The following BCL11B variants were observed in gnomAD, a reference collection of about 807,000 sequenced individuals.
BCL11B encodes the protein B-cell lymphoma/leukemia 11B.
Under a neutral mutation model 49.9 loss-of-function variants are expected in BCL11B, and 8 were observed. The ratio of observed to expected loss-of-function variants is 0.16; its 90% CI spans 0.09 to 0.29. The LOEUF (loss-of-function observed/expected upper bound fraction) is 0.29, where lower values mean the gene tolerates loss of function less well. Ranked by LOEUF, BCL11B falls within the 10% of genes least tolerant of loss-of-function variation. BCL11B has a pLI of 1.00. For missense variants in BCL11B, 1,006 were observed against 1,351.0 expected (o/e 0.74, Z 4.00); for synonymous variants, 739 against 637.4 (o/e 1.16, Z -2.40).
intron 1 of BCL11B, among the ~76,000 whole-genome samples, chr14:99,267,630 G>A (rs1192607971): frequency 1.3e-5 from 2 of 151,696 alleles, no homozygotes; most frequent in Non-Finnish European, 2.9e-5. Context: ...AAAGACATGT[G>A]GACCACTGGA....
At position 99,248,599 on chromosome 14, in the gene BCL11B, A is replaced by G. The variant is rs1312307319; in HGVS notation, c.427+8872T>C. On this transcript the variant is annotated intron_variant, in intron 2 of 3. Coordinates refer to ENST00000357195, the MANE Select transcript of BCL11B (RefSeq NM_138576.4). This position sits in a 1 kb window ranked among gnomAD's most constrained non-coding sequence, Gnocchi z 4.7. Reference sequence around the variant, plus strand: ...TGTTTACCTCACGGTGAGTGGACCAAATTCTCCCATAAGGATCTTCACAGC... The same window carrying G: ...TGTTTACCTCACGGTGAGTGGACCAGATTCTCCCATAAGGATCTTCACAGC... Among the ~76,000 whole-genome samples the G allele has an allele frequency of 6.6e-6, 1 of 152,196 alleles. No homozygotes were observed. Among genetic ancestry groups the G allele is most frequent in the Non-Finnish European group, 1.5e-5 (1 of 68,018 alleles).
intron 3 of BCL11B, among the ~76,000 whole-genome samples, chr14:99,215,363 A>G (rs1483308254): frequency 6.6e-6 from 1 of 152,228 alleles, no homozygotes; most frequent in African/African-American, 2.4e-5. Context: ...ACCGCAGTCT[A>G]TTGTGGCCGC....
intron 3 of BCL11B, among the ~76,000 whole-genome samples, chr14:99,187,689 G>A (rs1232638052): frequency 5.3e-5 from 8 of 150,962 alleles, no homozygotes; most frequent in Non-Finnish European, 8.8e-5. Context: ...CCAGGAGTCG[G>A]CTGCAGGTGT....
At chr14:99,212,085 T>C (rs1887704382) in intron 3 of BCL11B, among the ~76,000 whole-genome samples, 1 of 152,078 alleles carries the variant, frequency 6.6e-6, no homozygotes, top group East Asian at 1.9e-4. Context: ...ATTCTCATCA[T>C]CCCTACACTT....
rs997765366 is a variant in BCL11B, at chr14:99,231,769, C to A, written c.428-212G>T. On this transcript the variant is annotated intron_variant, in intron 2 of 3. Coordinates refer to ENST00000357195, the MANE Select transcript of BCL11B (RefSeq NM_138576.4). The surrounding 1 kb of genome is among the most constrained non-coding windows in gnomAD (Gnocchi z 8.1). Reference sequence around the variant, plus strand: ...TGGGCAGGGGGCACTGGGGAGGGCCCGGTTTCCACAGCTGCCAGGCTGGGC... The same window carrying A: ...TGGGCAGGGGGCACTGGGGAGGGCCAGGTTTCCACAGCTGCCAGGCTGGGC... 1.3e-5 allele frequency among the ~76,000 whole-genome samples: 2 copies of A among 151,574 alleles called. No individual in the cohort carries two copies. The highest frequency in any genetic ancestry group is 2.9e-5 in the Non-Finnish European group (2 of 67,840).
At chr14:99,223,626 ACTCT>A (rs1159508342) in intron 3 of BCL11B, among the ~76,000 whole-genome samples, 1 of 151,912 alleles carries the variant, frequency 6.6e-6, no homozygotes, top group Admixed American at 6.6e-5. Context: ...AAAACCCATT[ACTCT>A]CTCGCTTCTT....
intron 3 of BCL11B, among the ~76,000 whole-genome samples, chr14:99,217,803 T>G (rs1405434919): frequency 1.3e-5 from 2 of 152,156 alleles, no homozygotes; most frequent in Non-Finnish European, 2.9e-5. Flanking sequence ...CCCCGCCGCC[T>G]GCCACCACCC....
At chr14:99,229,078 G>GGATA (rs1888247622) in intron 3 of BCL11B, among the ~76,000 whole-genome samples, 1 of 148,504 alleles carries the variant, frequency 6.7e-6, no homozygotes, top group African/African-American at 2.6e-5. Context: ...ATGGATGGAT[G>GGATA]GATGGATGGA....
At chr14:99,236,871 A>G (rs1194713134) in intron 2 of BCL11B, among the ~76,000 whole-genome samples, 1 of 152,272 alleles carries the variant, frequency 6.6e-6, no homozygotes, top group African/African-American at 2.4e-5. Context: ...GAAGCACATA[A>G]TAACAGTATT....
At position 99,175,094 on chromosome 14, in the gene BCL11B, C is replaced by T. The variant is rs775474405; in HGVS notation, c.1742G>A (p.Gly581Asp). 7 of 1,598,526 alleles carry T rather than the reference C, an allele frequency of 4.4e-6. No individual in the cohort carries two copies. The Admixed American group carries it at 5.0e-5, about 11-fold the overall frequency. ...GGVPGVPGAGGGAAKALADEK... is the reference protein window; with the variant it reads ...GGVPGVPGAGDGAAKALADEK... Reference sequence around the variant, plus strand: ...GTCAGCCAGCGCCTTGGCCGCGCCGCCCCCCGCGCCCGGGACCCCGGGCAC... The same window carrying T: ...GTCAGCCAGCGCCTTGGCCGCGCCGTCCCCCGCGCCCGGGACCCCGGGCAC... The change falls in exon 4 of 4, where the codon GGC (glycine) becomes GAC (aspartate). Residue 581 changes from glycine (G) to aspartate (D), a missense_variant. This residue lies in a region of BCL11B where 443 missense variants were observed against 499.7 expected (regional missense o/e 0.89). Coordinates refer to ENST00000357195, the MANE Select transcript of BCL11B (RefSeq NM_138576.4).
intron 3 of BCL11B, among the ~76,000 whole-genome samples, chr14:99,178,102 T>TC (rs1203087078): frequency 2.0e-5 from 3 of 151,314 alleles, no homozygotes; most frequent in Admixed American, 6.6e-5. Flanking sequence ...GGGTGGAGAC[T>TC]CCCCCCGCGA....
intron 3 of BCL11B, among the ~76,000 whole-genome samples, chr14:99,212,594 C>T (rs767680744): frequency 6.6e-5 from 10 of 152,142 alleles, no homozygotes; most frequent in Non-Finnish European, 1.5e-4. Flanking sequence ...GGAGACCCAC[C>T]CCGTGATAGG....
Position 99,172,706 on chromosome 14 carries a change from G to T in BCL11B, c.*1445C>A. 1 of 217,084 alleles carries T rather than the reference G, an allele frequency of 4.6e-6. No homozygotes were observed. The highest frequency in any genetic ancestry group is 9.3e-6 in the Non-Finnish European group (1 of 107,512). The allele number at this position is 217,084 out of a possible 1,614,324, so 13.4% of individuals were successfully genotyped here. On this transcript the variant is annotated 3_prime_UTR_variant, in exon 4 of 4. Transcript: ENST00000357195. ...CAGTTTAACCCACCTCTGGGCCAAAGAGAAGAATATGCTGCAATTTCTTGT... is the reference window on the plus strand; with the variant it reads ...CAGTTTAACCCACCTCTGGGCCAAATAGAAGAATATGCTGCAATTTCTTGT...
rs1886381927 is a variant in BCL11B, at chr14:99,174,073, C to T, written c.*78G>A. 3 of 1,459,510 alleles carry T rather than the reference C, an allele frequency of 2.1e-6. No homozygotes were observed. Among genetic ancestry groups the T allele is most frequent in the Non-Finnish European group, 2.8e-6 (3 of 1,071,506 alleles). The allele number at this position is 1,459,510 out of a possible 1,614,324, so 90.4% of individuals were successfully genotyped here. A position where few individuals can be genotyped will look rare whatever the true frequency, so the allele number is the denominator to read the frequency against. On this transcript the variant is annotated 3_prime_UTR_variant, in exon 4 of 4. Transcript: ENST00000357195. ...CGCGGGGTGCGGGGTGGCGGTGACA[C>T]GGAGGCAAGTCAGGTCAGCATTCTC...
At chr14:99,203,604 G>T (rs2139825594) in intron 3 of BCL11B, among the ~76,000 whole-genome samples, 1 of 152,282 alleles carries the variant, frequency 6.6e-6, no homozygotes, top group East Asian at 1.9e-4. Context: ...GTCCTGGGAA[G>T]GTCCCTACTC....
At position 99,271,122 on chromosome 14, in the gene BCL11B, C is replaced by T. The variant is rs1420845942; in HGVS notation, c.58+39G>A. ...TCCCCAGCCCCAGACGCCCGGAGCCCCATCTCCGGCCCCTCGCGCGCACTC... is the reference window on the plus strand; with the variant it reads ...TCCCCAGCCCCAGACGCCCGGAGCCTCATCTCCGGCCCCTCGCGCGCACTC... On this transcript the variant is annotated intron_variant, in intron 1 of 3. Transcript: ENST00000357195. 2.6e-6 allele frequency: 4 copies of T among 1,521,114 alleles called. No individual in the cohort carries two copies. In the African/African-American group the frequency reaches 5.7e-5, roughly 22 times the overall value. The allele number at this position is 1,521,114 out of a possible 1,614,324, so 94.2% of individuals were successfully genotyped here.
Position 99,175,024 on chromosome 14 carries a change from T to C in BCL11B, c.1812A>G (p.Leu604=), listed in dbSNP as rs1886440770. Residue 604 remains leucine, a synonymous_variant, in exon 4 of 4, where the codon CTA becomes CTG. Transcript: ENST00000357195. ...VLGKVMENVG[L]GALPQYGELL... is the part of the protein sequence containing the mutation. ...GCTCGCCGTACTGCGGCAGTGCGCC[T>C]AGGCCCACGTTCTCCATGACCTTGC... 2 of 1,594,992 alleles carry C rather than the reference T, an allele frequency of 1.3e-6. No homozygotes were observed. The highest frequency in any genetic ancestry group is 3.3e-5 in the Admixed American group (2 of 59,732).
chr14:99,240,200 A>G (rs1888621390), intron 2 of BCL11B, among the ~76,000 whole-genome samples: 1 of 152,200 alleles, frequency 6.6e-6, no homozygotes, highest in Admixed American at 6.5e-5. Flanking sequence ...AAAGAAAGAA[A>G]GGAAGAGAGA....
At chr14:99,215,188 A>G (rs1028609309) in intron 3 of BCL11B, among the ~76,000 whole-genome samples, 1 of 150,740 alleles carries the variant, frequency 6.6e-6, no homozygotes, top group Non-Finnish European at 1.5e-5. Flanking sequence ...GAGATGCACT[A>G]ATTTATAAGT....
Sources: allele counts gnomAD v4.1 joint callset (sites outside exome capture counted in the v4.1 genomes callset), GRCh38; gene constraint gnomAD v4.1.1; regional missense constraint gnomAD v4.1.1; non-coding constraint Gnocchi (gnomAD v3.1); transcripts MANE v1.5; gene names NCBI Gene and HGNC (gene_info 2026-07-23, HGNC 2026-07-21).